Variants in WDR62 observed in about 807,000 individuals in gnomAD.
The protein encoded by WDR62 is WD repeat-containing protein 62.
In WDR62, 112 loss-of-function variants were observed where a neutral mutation model predicts 160.6. That is an observed-to-expected ratio of 0.70 (90% CI 0.60 to 0.82). WDR62 has a LOEUF of 0.82. Among genes scored for constraint, WDR62 ranks in the 40% least tolerant of loss-of-function variants. The pLI is 0.00. For missense variants in WDR62, 1,819 were observed against 1,983.8 expected (o/e 0.92, Z 1.58); for synonymous variants, 792 against 815.1 (o/e 0.97, Z 0.48).
chr19:36,105,540 G>A (rs926851397), downstream of WDR62, among the ~76,000 whole-genome samples: 14 of 151,688 alleles, frequency 9.2e-5, no homozygotes, highest in Admixed American at 7.9e-4. Flanking sequence ...AGGGGAAACT[G>A]AGGACCCATG....
rs202109439 is a variant in WDR62 at position 36,092,685 on chromosome 19, G to A, written c.2211-4G>A. The A allele has an allele frequency of 1.0e-3, 1,644 of 1,614,046 alleles. 1 individual carries two copies. Among genetic ancestry groups the A allele is most frequent in the Non-Finnish European group, 1.2e-3 (1,437 of 1,179,952 alleles). ...CCTTGTGTGTCTCTCTTTGACCTCCGCAGCTGCGTGTTCATCTGGCACCTG... is the reference window on the plus strand; with the variant it reads ...CCTTGTGTGTCTCTCTTTGACCTCCACAGCTGCGTGTTCATCTGGCACCTG... On this transcript the variant is annotated splice_region_variant and splice_polypyrimidine_tract_variant and intron_variant, in intron 18 of 31. Transcript: ENST00000401500.
At chr19:36,081,021 T>G (rs1971865648) in intron 9 of WDR62, among the ~76,000 whole-genome samples, 1 of 151,582 alleles carries the variant, frequency 6.6e-6, no homozygotes, top group Non-Finnish European at 1.5e-5. Flanking sequence ...GAACTGCTGG[T>G]CTCTAGCAGT....
intron 1 of WDR62, 25 bp downstream of exon 1, chr19:36,055,173 C>T (rs985556989): frequency 5.6e-6 from 9 of 1,596,870 alleles, no homozygotes; most frequent in Non-Finnish European, 5.1e-6. Flanking sequence ...GCCATGTCTA[C>T]CCCAGTTCCA....
chr19:36,055,124 C>T lies in WDR62; in HGVS notation c.153C>T (p.Ala51=). 3.1e-6 allele frequency: 5 copies of T among 1,608,274 alleles called. No homozygotes were observed. The highest frequency in any genetic ancestry group is 1.3e-5 in the African/African-American group (1 of 74,928). Residue 51 remains alanine, a synonymous_variant, in exon 1 of 32, where the codon GCC becomes GCT. Coordinates refer to ENST00000401500, the MANE Select transcript of WDR62 (RefSeq NM_001083961.2). ...CLRRRTRLST[A]SEETVQNRVS... ...GGCGGCGGACGCGACTCTCGACGGC[C>T]TCCGAGGAGACGGTGCAGAACCGGG...
Position 36,054,999 on chromosome 19 carries a change from G to T in WDR62, c.28G>T (p.Ala10Ser), listed in dbSNP as rs774912957. Residue 10 changes from alanine (A) to serine (S), a missense_variant, in exon 1 of 32, where the codon GCG becomes TCG. By Grantham distance (99) the Ala-to-Ser change is moderately conservative (BLOSUM62 1). Around this residue, in one of 3 missense-constraint regions of WDR62, gnomAD observed 115 missense variants for 92.4 expected, o/e 1.24. Coordinates refer to ENST00000401500, the MANE Select transcript of WDR62 (RefSeq NM_001083961.2). MAAVGSGGY[A>S]RNDAGEKLPS... ...GGCGGCCGTAGGGTCCGGAGGCTATGCGCGGAACGATGCAGGGGAGAAGCT... is the reference window on the plus strand; with the variant it reads ...GGCGGCCGTAGGGTCCGGAGGCTATTCGCGGAACGATGCAGGGGAGAAGCT... The T allele has an allele frequency of 2.1e-5, 33 of 1,607,144 alleles. No homozygotes were observed. In the East Asian group the frequency reaches 3.6e-4, roughly 17 times the overall value.
intron 3 of WDR62, chr19:36,061,531 T>C (rs1970646003): frequency 6.6e-6 from 1 of 152,212 alleles, no homozygotes; most frequent in Admixed American, 6.5e-5. Flanking sequence ...GGGGCCCAAA[T>C]TCCCCTGTGG....
Position 36,104,645 on chromosome 19 carries a change from C to G in WDR62, c.4281C>G (p.Thr1427=), listed in dbSNP as rs754743759. ...ACATCTTGCACAGGCTGCAGACCACCTTCCAAGAAGCCCTCGACCTTTACC... is the reference window on the plus strand; with the variant it reads ...ACATCTTGCACAGGCTGCAGACCACGTTCCAAGAAGCCCTCGACCTTTACC... ...VGNILHRLQT[T]FQEALDLYRV... is the part of the protein sequence containing the mutation. The change falls in exon 31 of 32, where the codon ACC becomes ACG. Residue 1427 remains threonine (T), a synonymous_variant. Coordinates refer to ENST00000401500, the MANE Select transcript of WDR62 (RefSeq NM_001083961.2). 6.2e-7 allele frequency: 1 copy of G among 1,614,022 alleles called. No homozygotes were observed. Among genetic ancestry groups the G allele is most frequent in the African/African-American group, 1.3e-5 (1 of 74,944 alleles).
chr19:36,083,016 G>A, intron 10 of WDR62, 47 bp from the exon 11 acceptor site: 1 of 1,569,840 alleles, frequency 6.4e-7, no homozygotes, highest in Non-Finnish European at 8.7e-7. Flanking sequence ...GATTTCAGAG[G>A]TGCTTCTGAG....
At position 36,101,675 on chromosome 19, in the gene WDR62, T is replaced by G. The variant is rs1221858839; in HGVS notation, c.2983T>G (p.Ser995Ala). ...ACTCTGTCCTTCAGACTCGGGGGAG[T>G]CAGAGGCCGACCTGGAGTGCAGCTT... The part of the protein sequence containing the change: ...DQSPPEDSGE[S>A]EADLECSFAA... The change falls in exon 25 of 32, where the codon TCA becomes GCA. Residue 995 changes from serine to alanine, a missense_variant. Transcript: ENST00000401500. The G allele has an allele frequency of 1.9e-6, 3 of 1,550,260 alleles. No homozygotes were observed. The highest frequency in any genetic ancestry group is 1.7e-6 in the Non-Finnish European group (2 of 1,146,784).
At chr19:36,092,863 C>G (rs775649652) in intron 19 of WDR62, 52 bp downstream of exon 19, 1 of 1,612,384 alleles carries the variant, frequency 6.2e-7, no homozygotes, top group South Asian at 1.1e-5. Context: ...TGCCAGGGCC[C>G]CATGGAGTGA....
At chr19:36,068,208 C>T (rs981726946) in intron 7 of WDR62, among the ~76,000 whole-genome samples, 198 bp downstream of exon 7, 4 of 152,160 alleles carry the variant, frequency 2.6e-5, no homozygotes, top group Non-Finnish European at 1.5e-5. Flanking sequence ...AAGGAAGTCA[C>T]GTGAGATAAC....
chr19:36,064,633 A>G (rs1313674160), intron 3 of WDR62, among the ~76,000 whole-genome samples: 1 of 151,358 alleles, frequency 6.6e-6, no homozygotes, highest in Non-Finnish European at 1.5e-5. Context: ...GCTGGAGTGC[A>G]GCAGCACGAT....
chr19:36,068,942 G>T (rs1971100290), intron 7 of WDR62, among the ~76,000 whole-genome samples: 1 of 151,640 alleles, frequency 6.6e-6, no homozygotes, highest in Non-Finnish European at 1.5e-5. Flanking sequence ...CCGGGCAGAG[G>T]CACCCCCCAT....
intron 5 of WDR62, 138 bp from the exon 6 acceptor site, chr19:36,067,168 A>C: frequency 8.7e-7 from 1 of 1,145,946 alleles, no homozygotes; most frequent in South Asian, 1.3e-5. Context: ...AGGTTTCCCC[A>C]TACAGCAGCT....
chr19:36,099,015 A>G (rs1021683167), intron 21 of WDR62, among the ~76,000 whole-genome samples: 1 of 152,096 alleles, frequency 6.6e-6, no homozygotes, highest in African/African-American at 2.4e-5. Flanking sequence ...TGAGGTCAGC[A>G]GTTTGAGACC....
chr19:36,092,858 G>T, intron 19 of WDR62, 47 bp downstream of exon 19: 1 of 1,612,712 alleles, frequency 6.2e-7, no homozygotes, highest in Non-Finnish European at 8.5e-7. Flanking sequence ...GTCCCTGCCA[G>T]GGCCCCATGG....
intron 7 of WDR62, among the ~76,000 whole-genome samples, chr19:36,069,234 C>A (rs1051033616): frequency 1.3e-5 from 2 of 150,878 alleles, no homozygotes; most frequent in African/African-American, 4.9e-5. Context: ...ACTTCCCAGA[C>A]GGGGCAGCTG....
intron 21 of WDR62, 113 bp downstream of exon 21, chr19:36,097,192 C>T (rs536716296): frequency 5.9e-6 from 6 of 1,019,946 alleles, no homozygotes; most frequent in African/African-American, 1.6e-5. Flanking sequence ...TGGAGAAGCC[C>T]TGTCATCCTT....
rs1380020769 is a variant in WDR62, at chr19:36,067,422, G to C, written c.678G>C (p.Leu226Phe). The C allele has an allele frequency of 6.2e-7, 1 of 1,614,224 alleles. No individual in the cohort carries two copies. Among genetic ancestry groups the C allele is most frequent in the African/African-American group, 1.3e-5 (1 of 75,056 alleles). Reference sequence around the variant, plus strand: ...ACCGCCATGTGAGGTTCTGGTTCTTGGAAGTCTCCACTGAGACAAAGGTGA... The same window carrying C: ...ACCGCCATGTGAGGTTCTGGTTCTTCGAAGTCTCCACTGAGACAAAGGTGA... ...VGNRHVRFWF[L>F]EVSTETKVTS... Residue 226 changes from leucine (L) to phenylalanine (F), a missense_variant, in exon 6 of 32, where the codon TTG (leucine) becomes TTC (phenylalanine). Coordinates refer to ENST00000401500, the MANE Select transcript of WDR62 (RefSeq NM_001083961.2).
Sources: gnomAD v4.1 joint callset for allele counts (sites outside exome capture counted in the v4.1 genomes callset) on GRCh38, gnomAD v4.1.1 for gene constraint, gnomAD v4.1.1 regional missense constraint, MANE v1.5 for transcripts, NCBI Gene and HGNC (gene_info 2026-07-23, HGNC 2026-07-21) for gene names.